Variants in PLEKHM3 observed in about 807,000 individuals in gnomAD.
PLEKHM3 encodes pleckstrin homology domain-containing family M member 3.
PLEKHM3 carries 45 observed loss-of-function variants against 81.8 expected under a neutral mutation model. That is an observed-to-expected ratio of 0.55 (90% CI 0.43 to 0.71). The LOEUF (loss-of-function observed/expected upper bound fraction) is 0.71, where lower values mean the gene tolerates loss of function less well. PLEKHM3 is among the 30% of genes least tolerant of loss of function. The pLI is 0.00. For synonymous variants in PLEKHM3, 352 were observed against 356.4 expected (o/e 0.99, Z 0.14); for missense variants, 788 against 924.3 (o/e 0.85, Z 1.91).
At chr2:207,917,785 C>T (rs1689043806) in intron 5 of PLEKHM3, among the ~76,000 whole-genome samples, 1 of 152,078 alleles carries the variant, frequency 6.6e-6, no homozygotes, top group African/African-American at 2.4e-5. Flanking sequence ...GTCGAGGCTG[C>T]AGTGAGCTGT....
rs1691344549 is a variant in PLEKHM3 at position 207,977,173 on chromosome 2, T to C, written c.1024A>G (p.Lys342Glu). 4 of 1,614,204 alleles carry C rather than the reference T, an allele frequency of 2.5e-6. No homozygotes were observed. The highest frequency in any genetic ancestry group is 2.5e-6 in the Non-Finnish European group (3 of 1,180,028). ...DYTQNHSFQKKTSGLLPPSPV... is the reference protein window; with the variant it reads ...DYTQNHSFQKETSGLLPPSPV... ...GACGGTGGCAGCAGCCCACTGGTTT[T>C]CTTCTGGAAACTATGATTCTGTGTA... Residue 342 changes from lysine to glutamate, a missense_variant, in exon 3 of 8, where the codon AAA becomes GAA. Transcript: ENST00000427836.
At chr2:207,846,849 A>G (rs531076958) in intron 7 of PLEKHM3, among the ~76,000 whole-genome samples, 1 of 152,218 alleles carries the variant, frequency 6.6e-6, no homozygotes, top group Admixed American at 6.5e-5. Context: ...TATATATTCA[A>G]TATGATTCTA....
chr2:207,876,325 GAAGTA>G (rs1370471973), intron 6 of PLEKHM3, among the ~76,000 whole-genome samples: 1 of 151,848 alleles, frequency 6.6e-6, no homozygotes, highest in African/African-American at 2.4e-5. Context: ...CATGGCTTTA[GAAGTA>G]AACAAACATA....
chr2:207,973,633 GGAGGC>G (rs1245932950), intron 3 of PLEKHM3, among the ~76,000 whole-genome samples: 2 of 152,150 alleles, frequency 1.3e-5, no homozygotes, highest in African/African-American at 4.8e-5. Context: ...CAGCTACTCA[GGAGGC>G]TGAGGCAGGA....
intron 5 of PLEKHM3, among the ~76,000 whole-genome samples, chr2:207,926,462 G>A (rs1689397399): frequency 6.6e-6 from 1 of 152,122 alleles, no homozygotes; most frequent in South Asian, 2.1e-4. Context: ...GCTCTTCCTA[G>A]CAGTTCTTAA....
At chr2:207,888,632 G>A (rs1247413281) in intron 6 of PLEKHM3, among the ~76,000 whole-genome samples, 5 of 152,182 alleles carry the variant, frequency 3.3e-5, no homozygotes, top group African/African-American at 1.2e-4. Context: ...CTGACCTCGT[G>A]ATCTGCCCAC....
At chr2:207,948,881 G>A (rs1690235909) in intron 3 of PLEKHM3, among the ~76,000 whole-genome samples, 1 of 152,092 alleles carries the variant, frequency 6.6e-6, no homozygotes, top group South Asian at 2.1e-4. Flanking sequence ...GCTTCGCTAT[G>A]TTGGCCAGGC....
intron 6 of PLEKHM3, among the ~76,000 whole-genome samples, chr2:207,889,465 A>C (rs866848727): frequency 4.3e-5 from 5 of 117,248 alleles, no homozygotes; most frequent in African/African-American, 1.5e-4. Flanking sequence ...ACACACACAC[A>C]CACACACACA....
Position 207,940,211 on chromosome 2 carries a change from A to G in PLEKHM3, c.1692+6156T>C, listed in dbSNP as rs181687212. 2.0e-5 allele frequency among the ~76,000 whole-genome samples: 3 copies of G among 152,338 alleles called. No individual in the cohort carries two copies. The East Asian group carries it at 5.8e-4, about 29-fold the overall frequency. ...AAATAGACAAGCAACTAGCTGTTATATAGATGTTATGATAATGAAAATAGT... is the reference window on the plus strand; with the variant it reads ...AAATAGACAAGCAACTAGCTGTTATGTAGATGTTATGATAATGAAAATAGT... On this transcript the variant is annotated intron_variant, in intron 4 of 7. Coordinates refer to ENST00000427836, the MANE Select transcript of PLEKHM3 (RefSeq NM_001080475.3).
chr2:207,831,625 G>A (rs1409769104), intron 7 of PLEKHM3, among the ~76,000 whole-genome samples: 2 of 152,202 alleles, frequency 1.3e-5, no homozygotes, highest in Non-Finnish European at 2.9e-5. Flanking sequence ...GAAGGACTAC[G>A]CAAAGGCTGC....
chr2:208,001,551 GCCTT>G lies in PLEKHM3; in HGVS notation c.85_88del (p.Lys29LeufsTer25). On this transcript the variant is annotated frameshift_variant, in exon 2 of 8. Coordinates refer to ENST00000427836, the MANE Select transcript of PLEKHM3 (RefSeq NM_001080475.3). LOFTEE classifies it high-confidence loss of function. ...CCCATAAACCTCTGCCTGCTGCACA[GCCTT>G]TTCTAGATTACTATCCAAAGTACTA... 1 of 1,614,170 alleles carries G rather than the reference GCCTT, an allele frequency of 6.2e-7. No homozygotes were observed. Among genetic ancestry groups the G allele is most frequent in the Non-Finnish European group, 8.5e-7 (1 of 1,180,028 alleles).
intron 4 of PLEKHM3, among the ~76,000 whole-genome samples, chr2:207,942,045 G>A (rs1291882175): frequency 6.6e-6 from 1 of 152,208 alleles, no homozygotes; most frequent in Non-Finnish European, 1.5e-5. Flanking sequence ...TACAGCCACT[G>A]TGGAAAACAG....
intron 2 of PLEKHM3, among the ~76,000 whole-genome samples, chr2:207,999,311 T>A (rs1692218050): frequency 6.6e-6 from 1 of 151,750 alleles, no homozygotes; most frequent in African/African-American, 2.4e-5. Context: ...TCAAGTCCTG[T>A]GCTTTAAAAT....
chr2:207,858,174 G>GTGTGTGTGTATA (rs373920637), intron 7 of PLEKHM3, among the ~76,000 whole-genome samples: 85 of 123,290 alleles, frequency 6.9e-4, no homozygotes, highest in African/African-American at 2.9e-3. Flanking sequence ...GTGTGTGTGT[G>GTGTGTGTGTATA]TATATATTTT....
intron 2 of PLEKHM3, among the ~76,000 whole-genome samples, chr2:207,979,260 C>T (rs1302313570): frequency 6.6e-6 from 1 of 152,132 alleles, no homozygotes; most frequent in African/African-American, 2.4e-5. Context: ...TCCAGTCAGG[C>T]GCAGTGGCTC....
In PLEKHM3 at chr2:207,983,590, G is replaced by GA. The variant is rs35041778; in HGVS notation, c.611-6005dup. Among the ~76,000 whole-genome samples, 518 of 145,340 alleles carry GA rather than the reference G, an allele frequency of 3.6e-3. 4 individuals are homozygous for GA. Among genetic ancestry groups the GA allele is most frequent in the African/African-American group, 0.012 (457 of 39,602 alleles). ...CACAAGACAAATTCCCCATGAAAAA[G>GA]AAAAAAAAAAAAACAGAACTATTTC... is the stretch of plus-strand genomic sequence containing the variant. On this transcript the variant is annotated intron_variant, in intron 2 of 7. Transcript: ENST00000427836.
intron 4 of PLEKHM3, among the ~76,000 whole-genome samples, chr2:207,939,821 G>A (rs1335008470): frequency 6.6e-6 from 1 of 152,220 alleles, no homozygotes; most frequent in African/African-American, 2.4e-5. Context: ...AAGTGATACT[G>A]AGGGTTTGAG....
intron 6 of PLEKHM3, among the ~76,000 whole-genome samples, chr2:207,882,929 G>A (rs928269220): frequency 2.6e-5 from 4 of 151,794 alleles, no homozygotes; most frequent in Non-Finnish European, 5.9e-5. Flanking sequence ...TTGTATTTTA[G>A]TAGAGACAGG....
At chr2:207,849,448 G>A (rs1359570301) in intron 7 of PLEKHM3, among the ~76,000 whole-genome samples, 1 of 152,190 alleles carries the variant, frequency 6.6e-6, no homozygotes, top group East Asian at 1.9e-4. Flanking sequence ...TTATTTCTTA[G>A]AAGAGGGGAT....
Sources: allele counts gnomAD v4.1 joint callset (sites outside exome capture counted in the v4.1 genomes callset), GRCh38; gene constraint gnomAD v4.1.1; transcripts MANE v1.5; gene names NCBI Gene and HGNC (gene_info 2026-07-23, HGNC 2026-07-21).